DNAH12: variants seen among roughly 807,000 people sequenced by gnomAD.
The protein encoded by DNAH12 is axonemal beta dynein heavy chain 12.
DNAH12 carries 285 observed loss-of-function variants against 371.5 expected under a neutral mutation model. The ratio of observed to expected loss-of-function variants is 0.77; its 90% confidence interval spans 0.70 to 0.85. DNAH12 has a LOEUF of 0.85. Ranked by LOEUF, DNAH12 falls within the 40% of genes least tolerant of loss-of-function variation. DNAH12 has a pLI of 0.00. For synonymous variants in DNAH12, 1,200 were observed against 1,213.0 expected, an observed-to-expected ratio of 0.99 and a Z score of 0.22; for missense variants, 3,611 against 3,689.4, an observed-to-expected ratio of 0.98 and a Z score of 0.55.
At position 57,425,082 on chromosome 3, in the gene DNAH12, C is replaced by T; in HGVS notation, c.5313G>A (p.Val1771=). The part of the protein sequence containing the change: ...VVVSLTRLFE[V]LLCNVVENDP... Reference sequence around the variant, plus strand: ...CATTTTCTACCACATTGCAAAGTAGCACTTCAAAGAGGCGTGTGAGAGATA... The same window carrying T: ...CATTTTCTACCACATTGCAAAGTAGTACTTCAAAGAGGCGTGTGAGAGATA... The change falls in exon 35 of 74, where the codon GTG becomes GTA. Residue 1771 remains valine (V), a synonymous_variant. Coordinates refer to ENST00000495027, the MANE Select transcript of DNAH12 (RefSeq NM_001366028.2). 1.4e-6 allele frequency: 1 copy of T among 702,794 alleles called. No homozygotes were observed. Among genetic ancestry groups the T allele is most frequent in the Non-Finnish European group, 2.6e-6 (1 of 384,934 alleles). 43.5% of individuals were successfully genotyped at this position (702,794 alleles called of 1,614,324 possible).
chr3:57,340,352 GAA>G (rs1168551315), intron 60 of DNAH12, among the ~76,000 whole-genome samples: 4 of 151,236 alleles, frequency 2.6e-5, no homozygotes, highest in Admixed American at 2.6e-4. Flanking sequence ...TAAAAAAATA[GAA>G]AAGATCAATG....
chr3:57,339,937 G>A (rs114350634), intron 60 of DNAH12, among the ~76,000 whole-genome samples: 110 of 152,198 alleles, frequency 7.2e-4, no homozygotes, highest in African/African-American at 2.5e-3. Context: ...CAAGTGTGGT[G>A]GCATATGCCT....
intron 16 of DNAH12, among the ~76,000 whole-genome samples, chr3:57,469,188 T>C (rs1168470666): frequency 2.0e-5 from 3 of 152,308 alleles, no homozygotes; most frequent in Middle Eastern, 6.8e-3. Context: ...TGCTAAAATA[T>C]GTATCAGATT....
intron 2 of DNAH12, among the ~76,000 whole-genome samples, chr3:57,526,859 A>C (rs2068664473): frequency 9.5e-6 from 1 of 105,136 alleles, no homozygotes; most frequent in East Asian, 2.2e-4. Flanking sequence ...TTTGAGACAG[A>C]GTCTTACTCT....
chr3:57,313,699 C>A (rs1443424734), intron 66 of DNAH12, among the ~76,000 whole-genome samples: 1 of 151,994 alleles, frequency 6.6e-6, no homozygotes, highest in Non-Finnish European at 1.5e-5. Context: ...CCCAGTTACT[C>A]CAGAGGCTGA....
At chr3:57,462,952 A>G in intron 17 of DNAH12, 77 bp from the exon 18 acceptor site, 1 of 957,090 alleles carries the variant, frequency 1.0e-6, no homozygotes, top group Non-Finnish European at 1.6e-6. Flanking sequence ...TGAAGCCTTG[A>G]TGATATAAGG....
chr3:57,324,801 G>C (rs1023151727), intron 62 of DNAH12, among the ~76,000 whole-genome samples: 1 of 152,240 alleles, frequency 6.6e-6, no homozygotes, highest in African/African-American at 2.4e-5. Context: ...AGGGGTCAGG[G>C]AGTTCCCTTT....
intron 62 of DNAH12, among the ~76,000 whole-genome samples, chr3:57,333,754 A>C (rs1394106788): frequency 1.3e-5 from 2 of 152,222 alleles, no homozygotes; most frequent in African/African-American, 4.8e-5. Context: ...AGAACTCAAC[A>C]ATCTTTATAG....
chr3:57,340,210 A>G lies in DNAH12; in HGVS notation c.9675-5270T>C, dbSNP rs1297993255. Among the ~76,000 whole-genome samples, 2 of 152,238 alleles carry G rather than the reference A, an allele frequency of 1.3e-5. 1 individual carries two copies. The highest frequency in any genetic ancestry group is 2.9e-5 in the Non-Finnish European group (2 of 68,038). On this transcript the variant is annotated intron_variant, in intron 60 of 73. Coordinates refer to ENST00000495027, the MANE Select transcript of DNAH12 (RefSeq NM_001366028.2). ...CAAGTTTATAGCAATAAATGCCTACATTAAAAACAGAAAGATTTCAAATAA... is the reference window on the plus strand; with the variant it reads ...CAAGTTTATAGCAATAAATGCCTACGTTAAAAACAGAAAGATTTCAAATAA...
intron 70 of DNAH12, among the ~76,000 whole-genome samples, chr3:57,297,671 C>T (rs1027477522): frequency 6.6e-6 from 1 of 152,044 alleles, no homozygotes; most frequent in Admixed American, 6.6e-5. Flanking sequence ...TTCCTTAACC[C>T]TCTTAAACCC....
At chr3:57,542,631 TAGG>T (rs1301232592) in intron 2 of DNAH12, 67 bp downstream of exon 2, 8 of 1,477,866 alleles carry the variant, frequency 5.4e-6, no homozygotes, top group Non-Finnish European at 7.2e-6. Flanking sequence ...TAAAACTTTT[TAGG>T]AGAATATGAA....
In DNAH12 at chr3:57,415,442, C is replaced by T. The variant is rs2064339269; in HGVS notation, c.5837G>A (p.Ser1946Asn). The T allele has an allele frequency of 6.5e-7, 1 of 1,549,698 alleles. No individual in the cohort carries two copies. Among genetic ancestry groups the T allele is most frequent in the Admixed American group, 2.0e-5 (1 of 50,484 alleles). The change falls in exon 38 of 74, where the codon AGC (serine) becomes AAC (asparagine). Residue 1946 changes from serine to asparagine, a missense_variant. Physicochemically the swap from Ser to Asn is conservative, Grantham distance 46. Around this residue, in one of 3 missense-constraint regions of DNAH12, gnomAD observed 2,266 missense variants for 2,236.9 expected, o/e 1.01. Transcript: ENST00000495027. Reference protein sequence around the residue: ...PFYINLSARTSANQVQNIIMA... With the variant: ...PFYINLSARTNANQVQNIIMA... Reference sequence around the variant, plus strand: ...TAAACTAACCTGAACCTGATTGGCGCTGGTCCGTGCAGATAAGTTAATATA... The same window carrying T: ...TAAACTAACCTGAACCTGATTGGCGTTGGTCCGTGCAGATAAGTTAATATA...
chr3:57,378,875 C>T (rs2063332617), intron 52 of DNAH12, among the ~76,000 whole-genome samples: 1 of 152,134 alleles, frequency 6.6e-6, no homozygotes, highest in African/African-American at 2.4e-5. Context: ...AATCTTAATT[C>T]CGTTTTCTCC....
chr3:57,319,231 T>C (rs1009229465), intron 65 of DNAH12, among the ~76,000 whole-genome samples: 1 of 152,242 alleles, frequency 6.6e-6, no homozygotes, highest in African/African-American at 2.4e-5. Context: ...CCCTAAACTT[T>C]ACTGAATTCA....
intron 13 of DNAH12, among the ~76,000 whole-genome samples, chr3:57,481,426 C>G (rs968974197): frequency 2.0e-5 from 3 of 151,986 alleles, no homozygotes; most frequent in African/African-American, 4.8e-5. Context: ...AAAGAGGATA[C>G]AAACAAATGG....
At chr3:57,545,577 C>T (rs1009434368), upstream of DNAH12, among the ~76,000 whole-genome samples, 5 of 151,924 alleles carry the variant, frequency 3.3e-5, no homozygotes, top group African/African-American at 1.2e-4. Flanking sequence ...TGGAGTGCAG[C>T]GGCACCATCA....
intron 13 of DNAH12, among the ~76,000 whole-genome samples, chr3:57,477,628 C>T (rs968788542): frequency 2.6e-4 from 39 of 152,154 alleles, no homozygotes; most frequent in Admixed American, 3.9e-4. Flanking sequence ...ACTGCCTCCT[C>T]AAGTGGGTCC....
chr3:57,540,140 T>C (rs1221355703), intron 2 of DNAH12, among the ~76,000 whole-genome samples: 1 of 152,048 alleles, frequency 6.6e-6, no homozygotes, highest in Non-Finnish European at 1.5e-5. Context: ...AACCTCCACC[T>C]CCCCGGTTCA....
In DNAH12 at chr3:57,537,937, C is replaced by T. The variant is rs547546220; in HGVS notation, c.170+4764G>A. Among the ~76,000 whole-genome samples, 476 of 152,260 alleles carry T rather than the reference C, an allele frequency of 3.1e-3. 2 individuals carry two copies. The highest frequency in any genetic ancestry group is 0.011 in the African/African-American group (450 of 41,558). On this transcript the variant is annotated intron_variant, in intron 2 of 73. Coordinates refer to ENST00000495027, the MANE Select transcript of DNAH12 (RefSeq NM_001366028.2). ...TGACCTCATGATCCGCCCGCCTTGG[C>T]CTCCCAAAGTGCTGGGATTACAGGC...
Sources: gnomAD v4.1 joint callset for allele counts (sites outside exome capture counted in the v4.1 genomes callset) on GRCh38, gnomAD v4.1.1 for gene constraint, gnomAD v4.1.1 regional missense constraint, MANE v1.5 for transcripts, NCBI Gene and HGNC (gene_info 2026-07-23, HGNC 2026-07-21) for gene names.